ERBB4: variants seen among roughly 807,000 people sequenced by gnomAD.
ERBB4 encodes receptor tyrosine-protein kinase erbB-4.
A neutral mutation model predicts 158.0 loss-of-function variants in ERBB4; 42 were observed. That is an observed-to-expected ratio of 0.27 (90% CI 0.21 to 0.34). The LOEUF is 0.34. ERBB4 is among the 10% of genes least tolerant of loss of function. ERBB4 has a pLI of 1.00. For missense variants in ERBB4, 1,333 were observed against 1,624.1 expected (o/e 0.82, Z 3.08); for synonymous variants, 583 against 558.7 (o/e 1.04, Z -0.61).
chr2:211,921,497 G>A (rs926729387), intron 3 of ERBB4, among the ~76,000 whole-genome samples: 4 of 151,996 alleles, frequency 2.6e-5, no homozygotes, highest in African/African-American at 4.8e-5. Flanking sequence ...AAAAACCAAC[G>A]TCTCTCCATC....
chr2:212,018,895 A>T (rs1306353520), intron 2 of ERBB4, among the ~76,000 whole-genome samples: 1 of 152,176 alleles, frequency 6.6e-6, no homozygotes, highest in Non-Finnish European at 1.5e-5. Flanking sequence ...GCATGCACAA[A>T]GTGTAGTAAA....
At chr2:212,031,774 G>A (rs986665245) in intron 2 of ERBB4, among the ~76,000 whole-genome samples, 1 of 152,038 alleles carries the variant, frequency 6.6e-6, no homozygotes, top group Non-Finnish European at 1.5e-5. Flanking sequence ...AAAAATGATG[G>A]CTGACGATAT....
At chr2:211,522,188 G>C (rs1296412616) in intron 20 of ERBB4, among the ~76,000 whole-genome samples, 2 of 152,134 alleles carry the variant, frequency 1.3e-5, no homozygotes, top group African/African-American at 4.8e-5. Context: ...CCATTTTAGA[G>C]GCTATTAAGT....
chr2:211,639,260 A>G (rs2070480210), intron 16 of ERBB4, among the ~76,000 whole-genome samples: 1 of 152,212 alleles, frequency 6.6e-6, no homozygotes, highest in African/African-American at 2.4e-5. Context: ...ATATTTAATT[A>G]CAGAACAAAT....
At chr2:211,741,933 T>C (rs2106185317) in intron 5 of ERBB4, among the ~76,000 whole-genome samples, 1 of 152,342 alleles carries the variant, frequency 6.6e-6, no homozygotes, top group East Asian at 1.9e-4. Flanking sequence ...ATTGGGGCAC[T>C]TTTTGAAATG....
Position 212,465,738 on chromosome 2 carries a change from T to C in ERBB4, c.82+72711A>G, listed in dbSNP as rs1194461043. Among the ~76,000 whole-genome samples, 10 of 152,320 alleles carry C rather than the reference T, an allele frequency of 6.6e-5. No homozygotes were observed. In the South Asian group the frequency reaches 1.9e-3, roughly 28 times the overall value. Reference sequence around the variant, plus strand: ...ATATATTTTTGTGCTTTCCACCATTTATACCTAAAGTAGTCATCCCCTGGC... The same window carrying C: ...ATATATTTTTGTGCTTTCCACCATTCATACCTAAAGTAGTCATCCCCTGGC... On this transcript the variant is annotated intron_variant, in intron 1 of 27. Coordinates refer to ENST00000342788, the MANE Select transcript of ERBB4 (RefSeq NM_005235.3).
intron 2 of ERBB4, among the ~76,000 whole-genome samples, chr2:212,029,663 T>C (rs2076855207): frequency 6.6e-6 from 1 of 152,152 alleles, no homozygotes. Context: ...AAGACAAGAA[T>C]GCAGACTTGA....
intron 3 of ERBB4, among the ~76,000 whole-genome samples, chr2:211,834,620 T>C (rs372730737): frequency 6.6e-6 from 1 of 152,164 alleles, no homozygotes; most frequent in African/African-American, 2.4e-5. Context: ...AGATAACCAA[T>C]AAAATATTCC....
At chr2:211,753,240 T>C (rs754511800) in intron 4 of ERBB4, among the ~76,000 whole-genome samples, 5 of 151,338 alleles carry the variant, frequency 3.3e-5, no homozygotes, top group Non-Finnish European at 5.9e-5. Context: ...AATTGGGAAG[T>C]ACAGAGAGAG....
Position 212,221,158 on chromosome 2 carries a change from G to C in ERBB4, c.83-96255C>G, listed in dbSNP as rs144796847. ...TCCAGTTGCAAATATATAAATCTAA[G>C]CATTACAATGAAAGTGCTTGGAGTT... On this transcript the variant is annotated intron_variant, in intron 1 of 27. Coordinates refer to ENST00000342788, the MANE Select transcript of ERBB4 (RefSeq NM_005235.3). Among the ~76,000 whole-genome samples the C allele has an allele frequency of 1.7e-4, 26 of 151,468 alleles. No individual in the cohort carries two copies. In the East Asian group the frequency reaches 4.8e-3, roughly 28 times the overall value.
intron 3 of ERBB4, among the ~76,000 whole-genome samples, chr2:211,812,146 C>T (rs1318082467): frequency 6.6e-6 from 1 of 152,162 alleles, no homozygotes; most frequent in Admixed American, 6.5e-5. Flanking sequence ...GCTCTGGTTT[C>T]TCCCCATCTT....
chr2:212,416,016 C>T (rs908958109), intron 1 of ERBB4, among the ~76,000 whole-genome samples: 4 of 152,110 alleles, frequency 2.6e-5, no homozygotes, highest in African/African-American at 9.7e-5. Flanking sequence ...CAACAAAGCA[C>T]GAATCTCTTC....
At chr2:211,446,427 T>C (rs1452968394) in intron 20 of ERBB4, among the ~76,000 whole-genome samples, 1 of 152,168 alleles carries the variant, frequency 6.6e-6, no homozygotes, top group Non-Finnish European at 1.5e-5. Flanking sequence ...TGAACAAAAA[T>C]AACTTCGTAG....
intron 3 of ERBB4, among the ~76,000 whole-genome samples, chr2:211,893,651 A>T (rs1401946243): frequency 2.3e-5 from 3 of 130,842 alleles, no homozygotes; most frequent in Admixed American, 7.3e-5. Context: ...AAATTTTCGC[A>T]ACCTACTCAT....
At chr2:211,566,136 G>A (rs919656214) in intron 19 of ERBB4, among the ~76,000 whole-genome samples, 1 of 152,150 alleles carries the variant, frequency 6.6e-6, no homozygotes, top group African/African-American at 2.4e-5. Flanking sequence ...ACAGGAGTAG[G>A]TCCTCTCCAA....
At chr2:212,180,774 C>T (rs2081834321) in intron 1 of ERBB4, among the ~76,000 whole-genome samples, 1 of 151,546 alleles carries the variant, frequency 6.6e-6, no homozygotes, top group Non-Finnish European at 1.5e-5. Flanking sequence ...TATCATCTGC[C>T]TCATTTGCAA....
chr2:212,375,480 T>C (rs530119177), intron 1 of ERBB4, among the ~76,000 whole-genome samples: 2 of 152,190 alleles, frequency 1.3e-5, no homozygotes, highest in South Asian at 2.1e-4. Context: ...ACGCCACTTA[T>C]GTGTGTGGTT....
intron 1 of ERBB4, among the ~76,000 whole-genome samples, chr2:212,219,895 A>G (rs1215987267): frequency 1.3e-5 from 2 of 150,828 alleles, no homozygotes; most frequent in Non-Finnish European, 3.0e-5. Flanking sequence ...CTTCAAAAAT[A>G]GGCTTTAATT....
In ERBB4 at chr2:211,609,125, C is replaced by T. The variant is rs1218690429; in HGVS notation, c.2301+10052G>A. On this transcript the variant is annotated intron_variant, in intron 19 of 27. Coordinates refer to ENST00000342788, the MANE Select transcript of ERBB4 (RefSeq NM_005235.3). The stretch of plus-strand genomic sequence containing the variant: ...TTCTCCTGTCCTCCTGTCGCTCAGT[C>T]CCATTTTCCACCAAGGCAAGCCATA... 2.6e-5 allele frequency among the ~76,000 whole-genome samples: 4 copies of T among 152,072 alleles called. No homozygotes were observed. The East Asian group carries it at 7.7e-4, about 29-fold the overall frequency.
Sources: gnomAD v4.1 joint callset for allele counts (sites outside exome capture counted in the v4.1 genomes callset) on GRCh38, gnomAD v4.1.1 for gene constraint, MANE v1.5 for transcripts, NCBI Gene and HGNC (gene_info 2026-07-23, HGNC 2026-07-21) for gene names.